ZNF331: variants seen among roughly 807,000 people sequenced by gnomAD.
The protein encoded by ZNF331 is C2H2-like zinc finger protein rearranged in thyroid adenomas.
ZNF331 carries 2 observed loss-of-function variants against 7.0 expected under a neutral mutation model. That is an observed-to-expected ratio of 0.29 (90% CI 0.12 to 0.90). The LOEUF (loss-of-function observed/expected upper bound fraction) is 0.90, where lower values mean the gene tolerates loss of function less well. ZNF331 is among the 40% of genes least tolerant of loss of function. The pLI, the probability that ZNF331 is intolerant of heterozygous loss-of-function variation, is 0.58. For synonymous variants in ZNF331, 196 were observed against 205.4 expected (o/e 0.95, Z 0.39); for missense variants, 432 against 587.7 (o/e 0.74, Z 2.74).
At position 53,539,125 on chromosome 19, in the gene ZNF331, A is replaced by C. The variant is rs753593339; in HGVS notation, c.-204-91A>C. On this transcript the variant is annotated intron_variant, in intron 1 of 5. Transcript: ENST00000449416. The surrounding 1 kb of genome is among the most constrained non-coding windows in gnomAD (Gnocchi z 6.1). ...AATCGCCACAGCGTGCTCTTCAGGA[A>C]TCTCCCAGAAACTCCATCTCGGGGC... The C allele has an allele frequency of 2.0e-5, 3 of 151,962 alleles. No individual in the cohort carries two copies. Among genetic ancestry groups the C allele is most frequent in the African/African-American group, 7.2e-5 (3 of 41,382 alleles). 9.4% of individuals were successfully genotyped at this position (151,962 alleles called of 1,614,324 possible).
upstream of ZNF331, chr19:53,537,677 G>C (rs1188540394): frequency 6.6e-6 from 1 of 152,330 alleles, no homozygotes; most frequent in East Asian, 1.9e-4. Context: ...GGGGCTTGGG[G>C]CTCTGGTTTC....
the ZNF331 span, among the ~76,000 whole-genome samples, chr19:53,506,400 ACTCTCTCTCTC>A: frequency 1.2e-4 from 13 of 105,562 alleles, no homozygotes; most frequent in African/African-American, 4.1e-4. Flanking sequence ...CCACATACAC[ACTCTCTCTCTC>A]CTCTCTCTCT....
At chr19:53,519,718 A>C (rs2086994910), upstream of ZNF331, among the ~76,000 whole-genome samples, 1 of 152,166 alleles carries the variant, frequency 6.6e-6, no homozygotes, top group Admixed American at 6.5e-5. Flanking sequence ...CAGAGAACGA[A>C]ACGCAAAGTC....
upstream of ZNF331, among the ~76,000 whole-genome samples, chr19:53,515,257 T>C (rs71363351): frequency 0.33 from 50,780 of 152,064 alleles, 8,683 homozygotes; most frequent in Middle Eastern, 0.42. Context: ...CTTCTAACAT[T>C]GATGAATGCA....
the ZNF331 span, among the ~76,000 whole-genome samples, chr19:53,512,974 A>C: frequency 2.5e-3 from 383 of 151,334 alleles, 2 homozygotes; most frequent in African/African-American, 8.7e-3. Context: ...TTCTCTGCTA[A>C]GGAAGCACAT....
At chr19:53,511,136 G>GA in the ZNF331 span, among the ~76,000 whole-genome samples, 1 of 152,060 alleles carries the variant, frequency 6.6e-6, no homozygotes, top group Non-Finnish European at 1.5e-5. Flanking sequence ...AAAGTGAAGA[G>GA]AAAACATTAT....
chr19:53,544,883 A>G (rs905529612), intron 2 of ZNF331, among the ~76,000 whole-genome samples: 29 of 151,944 alleles, frequency 1.9e-4, no homozygotes, highest in African/African-American at 7.0e-4. Context: ...ACAGGCTCCC[A>G]CCACCATAGC....
the ZNF331 span, among the ~76,000 whole-genome samples, chr19:53,506,428 CTCTCTCTCTCTCTCTG>C: frequency 1.4e-4 from 14 of 96,902 alleles, no homozygotes; most frequent in African/African-American, 2.4e-4. Context: ...CTCTCTCTCT[CTCTCTCTCTCTCTCTG>C]TCTCTCTCTC....
rs2087999518 is a variant in ZNF331, at chr19:53,539,675, A to AT, written c.-138+396dup. Among the ~76,000 whole-genome samples the AT allele has an allele frequency of 6.6e-6, 1 of 152,144 alleles. No homozygotes were observed. The highest frequency in any genetic ancestry group is 2.4e-5 in the African/African-American group (1 of 41,416). On this transcript the variant is annotated intron_variant, in intron 2 of 5. Coordinates refer to ENST00000449416, the MANE Select transcript of ZNF331 (RefSeq NM_001079906.2). The surrounding 1 kb of genome is among the most constrained non-coding windows in gnomAD (Gnocchi z 6.1). Reference sequence around the variant, plus strand: ...ACTTTCCAAGGGACATTCTGTGTATATTTACTGTATGTGATTATCAGTGTT... The same window carrying AT: ...ACTTTCCAAGGGACATTCTGTGTATATTTTACTGTATGTGATTATCAGTGTT...
At chr19:53,544,276 T>C (rs908347572) in intron 2 of ZNF331, among the ~76,000 whole-genome samples, 4 of 146,432 alleles carry the variant, frequency 2.7e-5, no homozygotes, top group Admixed American at 6.9e-5. Flanking sequence ...CCGGGTGTGG[T>C]GGCTCATGCC....
Position 53,560,134 on chromosome 19 carries a change from TATATATACACAC to T in ZNF331, c.-74+4238_-74+4249del, listed in dbSNP as rs61727441. 0.097 allele frequency among the ~76,000 whole-genome samples: 14,016 copies of T among 145,084 alleles called. 1,251 individuals carry two copies. The highest frequency in any genetic ancestry group is 0.22 in the African/African-American group (8,372 of 38,496). ...TACACACACATATATACACACACCA[TATATATACACAC>T]ATATATACACATCCACACCATATAT... On this transcript the variant is annotated intron_variant, in intron 3 of 5. Transcript: ENST00000449416. The surrounding 1 kb of genome is among the most constrained non-coding windows in gnomAD (Gnocchi z 4.3).
At chr19:53,508,333 C>G in the ZNF331 span, among the ~76,000 whole-genome samples, 3 of 152,114 alleles carry the variant, frequency 2.0e-5, no homozygotes, top group African/African-American at 7.2e-5. Context: ...TGACTCCAGC[C>G]GCACCACGTG....
At chr19:53,518,675 A>G (rs1229142764), upstream of ZNF331, among the ~76,000 whole-genome samples, 1 of 152,256 alleles carries the variant, frequency 6.6e-6, no homozygotes, top group Non-Finnish European at 1.5e-5. Context: ...TAGATTAAAC[A>G]TTTCACAATA....
At chr19:53,527,850 C>T (rs910501861) in intron 2 of ZNF331, among the ~76,000 whole-genome samples, 1 of 89,350 alleles carries the variant, frequency 1.1e-5, no homozygotes. Flanking sequence ...CCCATGACAG[C>T]AGATTATCAA....
At position 53,550,833 on chromosome 19, in the gene ZNF331, G is replaced by A. The variant is rs2088952130; in HGVS notation, c.-137-5012G>A. 3.4e-5 allele frequency among the ~76,000 whole-genome samples: 5 copies of A among 148,800 alleles called. No homozygotes were observed. In the South Asian group the frequency reaches 8.6e-4, roughly 25 times the overall value. On this transcript the variant is annotated intron_variant, in intron 2 of 5. Transcript: ENST00000449416. ...ATTACAGGCGTGAGCCACCATGCCT[G>A]GCCGTTAATCTTTTTTTTTTTTTTT...
Position 53,577,079 on chromosome 19 carries a change from G to C in ZNF331, c.519G>C (p.Gln173His). The stretch of plus-strand genomic sequence containing the variant: ...AGAAGGCCTTCCGTTGGGGCAATCA[G>C]CTTACTCAACATCAAAAAATTCATA... Reference protein sequence around the residue: ...ECKKAFRWGNQLTQHQKIHTG... With the variant: ...ECKKAFRWGNHLTQHQKIHTG... The change falls in exon 6 of 6, where the codon CAG (glutamine) becomes CAC (histidine). Residue 173 changes from glutamine (Q) to histidine (H), a missense_variant. Gln to His is a conservative substitution (Grantham distance 24). Around this residue, in one of 3 missense-constraint regions of ZNF331, gnomAD observed 312 missense variants for 448.6 expected, o/e 0.70. Coordinates refer to ENST00000449416, the MANE Select transcript of ZNF331 (RefSeq NM_001079906.2). 6.2e-7 allele frequency: 1 copy of C among 1,614,034 alleles called. No individual in the cohort carries two copies. The highest frequency in any genetic ancestry group is 8.5e-7 in the Non-Finnish European group (1 of 1,180,012).
intron 3 of ZNF331, among the ~76,000 whole-genome samples, 199 bp downstream of exon 3, chr19:53,556,107 G>A (rs2089394468): frequency 6.6e-6 from 1 of 151,682 alleles, no homozygotes; most frequent in South Asian, 2.1e-4. Flanking sequence ...GCCGGGAGTG[G>A]TGGTGGGCGC....
chr19:53,544,193 C>T (rs2088396032), intron 2 of ZNF331, among the ~76,000 whole-genome samples: 2 of 149,802 alleles, frequency 1.3e-5, no homozygotes, highest in South Asian at 4.3e-4. Context: ...CGCCACTGCA[C>T]TCCAGCTTGG....
At chr19:53,574,560 C>T (rs2090613600) in intron 5 of ZNF331, among the ~76,000 whole-genome samples, 1 of 152,082 alleles carries the variant, frequency 6.6e-6, no homozygotes, top group Non-Finnish European at 1.5e-5. Context: ...GTAGAGGTGA[C>T]AGGGTCCTCT....
Sources: allele counts gnomAD v4.1 joint callset (sites outside exome capture counted in the v4.1 genomes callset), GRCh38; gene constraint gnomAD v4.1.1; regional missense constraint gnomAD v4.1.1; non-coding constraint Gnocchi (gnomAD v3.1); transcripts MANE v1.5; gene names NCBI Gene and HGNC (gene_info 2026-07-23, HGNC 2026-07-21).